Variants in PEX5L observed in about 807,000 individuals in gnomAD.
The protein encoded by PEX5L is PEX5-related protein.
PEX5L carries 30 observed loss-of-function variants against 84.0 expected under a neutral mutation model. That is an observed-to-expected ratio of 0.36 (90% CI 0.27 to 0.48). PEX5L has a LOEUF of 0.48. Among genes scored for constraint, PEX5L ranks in the 20% least tolerant of loss-of-function variants. PEX5L has a pLI of 0.99. For missense variants in PEX5L, 533 were observed against 754.6 expected, an observed-to-expected ratio of 0.71 and a Z score of 3.44; for synonymous variants, 270 against 283.1, an observed-to-expected ratio of 0.95 and a Z score of 0.46.
chr3:179,815,263 C>G (rs1725590159), intron 10 of PEX5L, among the ~76,000 whole-genome samples: 1 of 152,186 alleles, frequency 6.6e-6, no homozygotes, highest in Non-Finnish European at 1.5e-5. Context: ...ATATACTGTC[C>G]CTTGAAAACT....
At chr3:180,013,619 C>CAG (rs1372532006) in intron 1 of PEX5L, among the ~76,000 whole-genome samples, 2 of 152,022 alleles carry the variant, frequency 1.3e-5, no homozygotes, top group Admixed American at 6.6e-5. Context: ...ATGGCATTGC[C>CAG]AGAGAGGACT....
At chr3:179,973,883 A>C in intron 1 of PEX5L, 1 of 985,520 alleles carries the variant, frequency 1.0e-6, no homozygotes, top group Non-Finnish European at 1.2e-6. Flanking sequence ...TCTAGTCTCC[A>C]AACAGCACAC....
At chr3:179,902,420 C>G (rs1761702577) in intron 2 of PEX5L, among the ~76,000 whole-genome samples, 1 of 152,226 alleles carries the variant, frequency 6.6e-6, no homozygotes, top group South Asian at 2.1e-4. Flanking sequence ...ATCACATAGG[C>G]AAACATTTTC....
intron 1 of PEX5L, among the ~76,000 whole-genome samples, chr3:179,993,459 T>C (rs1368693868): frequency 6.6e-6 from 1 of 152,158 alleles, no homozygotes; most frequent in African/African-American, 2.4e-5. Context: ...TGCTGTAGTA[T>C]TTGCATATAA....
chr3:179,839,840 A>G (rs1736373890), intron 8 of PEX5L, among the ~76,000 whole-genome samples: 1 of 152,252 alleles, frequency 6.6e-6, no homozygotes, highest in Non-Finnish European at 1.5e-5. Flanking sequence ...AATAATTGTT[A>G]GAATAATTAT....
intron 2 of PEX5L, among the ~76,000 whole-genome samples, chr3:179,922,451 C>CTTT (rs35332742): frequency 6.9e-4 from 92 of 134,020 alleles, no homozygotes; most frequent in African/African-American, 1.6e-3. Flanking sequence ...CTTTTCTTTT[C>CTTT]TTTTTTTTTT....
chr3:179,995,870 G>A (rs907102899), intron 1 of PEX5L, among the ~76,000 whole-genome samples: 1 of 152,172 alleles, frequency 6.6e-6, no homozygotes. Context: ...AAAAGAATGG[G>A]ACCCTGCAAC....
At chr3:179,957,005 GA>G (rs1246009747) in intron 2 of PEX5L, among the ~76,000 whole-genome samples, 2 of 151,930 alleles carry the variant, frequency 1.3e-5, no homozygotes, top group Non-Finnish European at 2.9e-5. Context: ...GAAAATCCTG[GA>G]AAAAAATTGC....
At chr3:179,879,580 C>T (rs1221447227) in intron 5 of PEX5L, among the ~76,000 whole-genome samples, 1 of 152,268 alleles carries the variant, frequency 6.6e-6, no homozygotes, top group Non-Finnish European at 1.5e-5. Context: ...CATTAGAGTT[C>T]GTTACTCACA....
Position 179,830,824 on chromosome 3 carries a change from C to A in PEX5L, c.823-10848G>T, listed in dbSNP as rs935962175. On this transcript the variant is annotated intron_variant, in intron 8 of 14. Transcript: ENST00000467460. ...GAGACTCTACTGGCCAGAGAAAAAA[C>A]CCCACTCTCTGAGAACTGTTTTCCA... 8.5e-5 allele frequency among the ~76,000 whole-genome samples: 13 copies of A among 152,268 alleles called. No homozygotes were observed. The East Asian group carries it at 1.5e-3, about 18-fold the overall frequency.
In PEX5L at chr3:179,952,406, G is replaced by A. The variant is rs117224365; in HGVS notation, c.93+19188C>T. 7.5e-4 allele frequency among the ~76,000 whole-genome samples: 114 copies of A among 152,156 alleles called. 1 individual carries two copies. The East Asian group carries it at 7.5e-3, about 10-fold the overall frequency. On this transcript the variant is annotated intron_variant, in intron 2 of 14. Transcript: ENST00000467460. ...GTACCTGTAGCAGAAAGAAAAGGTC[G>A]GGGGGTGTGGGAAGAAGGGAAAGAT...
At chr3:179,956,958 G>T (rs112277259) in intron 2 of PEX5L, among the ~76,000 whole-genome samples, 2,601 of 152,164 alleles carry the variant, frequency 0.017, 36 homozygotes, top group Non-Finnish European at 0.027. Flanking sequence ...CATCTTAAAA[G>T]ATGAGTAAGG....
At chr3:179,868,934 C>G (rs1286676635) in intron 7 of PEX5L, among the ~76,000 whole-genome samples, 2 of 152,298 alleles carry the variant, frequency 1.3e-5, no homozygotes, top group Admixed American at 6.5e-5. Flanking sequence ...TTAAGAACAT[C>G]TGTATGCCTT....
chr3:180,015,965 G>A (rs9816641), intron 1 of PEX5L, among the ~76,000 whole-genome samples: 44,006 of 150,560 alleles, frequency 0.29, 7,448 homozygotes, highest in African/African-American at 0.48. Flanking sequence ...TTATGAAAAG[G>A]CATAATGGGA....
intron 3 of PEX5L, 45 bp downstream of exon 3, chr3:179,898,097 T>C (rs755605453): frequency 1.7e-6 from 2 of 1,205,332 alleles, no homozygotes; most frequent in Admixed American, 3.7e-5. Flanking sequence ...GTCTGATATA[T>C]TAACATATGT....
intron 1 of PEX5L, among the ~76,000 whole-genome samples, chr3:179,991,625 C>T (rs1278452375): frequency 6.6e-6 from 1 of 152,132 alleles, no homozygotes; most frequent in Non-Finnish European, 1.5e-5. Flanking sequence ...GTTCAGATCT[C>T]ATTGCCCTCA....
intron 2 of PEX5L, among the ~76,000 whole-genome samples, chr3:179,899,536 A>T (rs67684218): frequency 0.15 from 22,556 of 152,088 alleles, 1,797 homozygotes; most frequent in South Asian, 0.3. Context: ...ATACAATTAC[A>T]TCATTATCTT....
Position 179,887,684 on chromosome 3 carries a change from G to T in PEX5L, c.299C>A (p.Ser100Tyr). The T allele has an allele frequency of 6.2e-7, 1 of 1,601,994 alleles. No homozygotes were observed. Among genetic ancestry groups the T allele is most frequent in the Non-Finnish European group, 8.6e-7 (1 of 1,168,920 alleles). The change falls in exon 4 of 15, where the codon TCC becomes TAC. Residue 100 changes from serine to tyrosine, a missense_variant. Coordinates refer to ENST00000467460, the MANE Select transcript of PEX5L (RefSeq NM_016559.3). ...KSEAIARPVTSNTAVLTTGLD... is the reference protein window; with the variant it reads ...KSEAIARPVTYNTAVLTTGLD... ...AGTGAGAGAATTACCAGCTGTATTG[G>T]ATGTTACTGGCCTTGCTATTGCTTC...
intron 3 of PEX5L, among the ~76,000 whole-genome samples, chr3:179,891,609 A>G (rs2108898491): frequency 6.6e-6 from 1 of 152,340 alleles, no homozygotes; most frequent in Non-Finnish European, 1.5e-5. Context: ...AAAGGGGTTC[A>G]ATAAATGGCT....
Sources: gnomAD v4.1 joint callset for allele counts (sites outside exome capture counted in the v4.1 genomes callset) on GRCh38, gnomAD v4.1.1 for gene constraint, MANE v1.5 for transcripts, NCBI Gene and HGNC (gene_info 2026-07-23, HGNC 2026-07-21) for gene names.